The following MGAT4C variants were observed in gnomAD, a reference collection of about 807,000 sequenced individuals.
MGAT4C encodes the protein MGAT4 family member C, also known as alpha-1,3-mannosyl-glycoprotein 4-beta-N-acetylglucosaminyltransferase C.
A neutral mutation model predicts 40.1 loss-of-function variants in MGAT4C; 19 were observed. That is an observed-to-expected ratio of 0.47 (90% CI 0.33 to 0.70). The LOEUF is 0.70. Among genes scored for constraint, MGAT4C ranks in the 30% least tolerant of loss-of-function variants. The probability of loss-of-function intolerance (pLI) is 0.02; values close to 1 mark genes in which losing one functional copy is unlikely to be tolerated. For synonymous variants in MGAT4C, 181 were observed against 187.1 expected (o/e 0.97, Z 0.27); for missense variants, 491 against 563.2 (o/e 0.87, Z 1.30).
At chr12:86,131,204 TC>T (rs1275434132) in intron 1 of MGAT4C, among the ~76,000 whole-genome samples, 1 of 152,052 alleles carries the variant, frequency 6.6e-6, no homozygotes, top group African/African-American at 2.4e-5. Context: ...ATAATATCTA[TC>T]TCTTAGTCTA....
At chr12:86,180,532 A>G (rs893096930) in intron 1 of MGAT4C, among the ~76,000 whole-genome samples, 1 of 152,172 alleles carries the variant, frequency 6.6e-6, no homozygotes, top group Non-Finnish European at 1.5e-5. Flanking sequence ...TGTACCTTGT[A>G]AAGACACAGG....
chr12:86,174,124 T>TACACACACACAC lies in MGAT4C; in HGVS notation c.-57+82103_-57+82114dup, dbSNP rs71445051. Among the ~76,000 whole-genome samples, 9 of 143,916 alleles carry TACACACACACAC rather than the reference T, an allele frequency of 6.3e-5. No individual in the cohort carries two copies. The South Asian group carries it at 1.6e-3, about 25-fold the overall frequency. The allele number at this position is 143,916 out of a possible 152,430, so 94.4% of individuals were successfully genotyped here. A position where few individuals can be genotyped will look rare whatever the true frequency, so the allele number is the denominator to read the frequency against. ...TTACCAAAAAAGACACACACACACA[T>TACACACACACAC]ACACACACACACACACACACACACA... On this transcript the variant is annotated intron_variant, in intron 1 of 4. Coordinates refer to ENST00000611864, the MANE Select transcript of MGAT4C (RefSeq NM_001351288.2).
At chr12:86,623,640 G>T (rs1431152848) in intron 2 of MGAT4C, among the ~76,000 whole-genome samples, 1 of 151,998 alleles carries the variant, frequency 6.6e-6, no homozygotes, top group Non-Finnish European at 1.5e-5. Flanking sequence ...GGACATAAAT[G>T]CTTCCACAAT....
intron 2 of MGAT4C, among the ~76,000 whole-genome samples, chr12:86,512,361 A>T (rs1303315692): frequency 6.6e-6 from 1 of 152,090 alleles, no homozygotes; most frequent in Non-Finnish European, 1.5e-5. Flanking sequence ...GGTGCCTTAA[A>T]CATTTTAAAA....
chr12:86,745,675 T>C (rs1315390668), intron 1 of MGAT4C, among the ~76,000 whole-genome samples: 2 of 151,692 alleles, frequency 1.3e-5, no homozygotes, highest in African/African-American at 4.8e-5. Context: ...AATCATGTTT[T>C]GATTAATGGT....
At chr12:86,009,467 A>G (rs993380392) in intron 2 of MGAT4C, among the ~76,000 whole-genome samples, 3 of 151,918 alleles carry the variant, frequency 2.0e-5, no homozygotes, top group Non-Finnish European at 4.4e-5. Flanking sequence ...GCAGAATCCA[A>G]ATATCTTAGC....
At position 85,955,671 on chromosome 12, in the gene MGAT4C, T is replaced by G. The variant is rs961559369; in HGVS notation, c.*23618A>C. 67 of 152,248 alleles carry G rather than the reference T, an allele frequency of 4.4e-4. No homozygotes were observed. Among genetic ancestry groups the G allele is most frequent in the African/African-American group, 1.5e-3 (64 of 41,570 alleles). 9.4% of individuals were successfully genotyped at this position (152,248 alleles called of 1,614,324 possible). On this transcript the variant is annotated 3_prime_UTR_variant, in exon 5 of 5. Coordinates refer to ENST00000611864, the MANE Select transcript of MGAT4C (RefSeq NM_001351288.2). ...TTCAGAAGATGAAAGCAAATATTTA[T>G]AAAAGAAACCACAATGTATTTATGC...
chr12:86,822,357 T>C (rs1246602385), intron 1 of MGAT4C, among the ~76,000 whole-genome samples: 1 of 151,126 alleles, frequency 6.6e-6, no homozygotes, highest in Non-Finnish European at 1.5e-5. Flanking sequence ...CCTTACTAAG[T>C]TATTTTGAAT....
rs1422707164 is a variant in MGAT4C at position 85,975,277 on chromosome 12, T to C, written c.*4012A>G. 1.3e-5 allele frequency: 2 copies of C among 151,038 alleles called. No homozygotes were observed. Among genetic ancestry groups the C allele is most frequent in the East Asian group, 1.9e-4 (1 of 5,198 alleles). 9.4% of individuals were successfully genotyped at this position (151,038 alleles called of 1,614,324 possible). A position where few individuals can be genotyped will look rare whatever the true frequency, so the allele number is the denominator to read the frequency against. On this transcript the variant is annotated 3_prime_UTR_variant, in exon 5 of 5. Transcript: ENST00000611864. ...AGGGCAGTAAATTTTATAATTGTTA[T>C]TGATTACAATGAAGGCCTCTGGTAA...
chr12:86,353,798 CCT>C (rs761519428), intron 3 of MGAT4C, among the ~76,000 whole-genome samples: 5 of 151,614 alleles, frequency 3.3e-5, no homozygotes, highest in African/African-American at 7.2e-5. Flanking sequence ...CCTCTCTCTG[CCT>C]CTCTCTCTCT....
chr12:86,678,675 T>C (rs1483697552), intron 2 of MGAT4C, among the ~76,000 whole-genome samples: 3 of 149,400 alleles, frequency 2.0e-5, no homozygotes, highest in Admixed American at 6.8e-5. Flanking sequence ...TGAGAATATG[T>C]GGTGTTTGGT....
At chr12:86,290,175 T>A (rs1243648923) in intron 4 of MGAT4C, among the ~76,000 whole-genome samples, 2 of 152,118 alleles carry the variant, frequency 1.3e-5, no homozygotes, top group Non-Finnish European at 2.9e-5. Flanking sequence ...GCCGCCCAAG[T>A]AGCTGGGATT....
At chr12:86,570,893 A>G (rs1960336061) in intron 2 of MGAT4C, among the ~76,000 whole-genome samples, 1 of 152,134 alleles carries the variant, frequency 6.6e-6, no homozygotes, top group Admixed American at 6.5e-5. Flanking sequence ...GGCTCACCGC[A>G]TCCTCCAACT....
intron 1 of MGAT4C, among the ~76,000 whole-genome samples, chr12:86,075,796 G>T (rs139899789): frequency 6.6e-6 from 1 of 152,270 alleles, no homozygotes; most frequent in African/African-American, 2.4e-5. Context: ...CCCCCTTTCA[G>T]CCACAGCTGG....
At chr12:86,271,930 A>G (rs1952961677) in intron 4 of MGAT4C, among the ~76,000 whole-genome samples, 1 of 152,236 alleles carries the variant, frequency 6.6e-6, no homozygotes, top group Non-Finnish European at 1.5e-5. Context: ...GTTCTCACTT[A>G]TATGTGAGAT....
At chr12:86,791,970 A>G (rs1441095158) in intron 1 of MGAT4C, among the ~76,000 whole-genome samples, 1 of 152,206 alleles carries the variant, frequency 6.6e-6, no homozygotes, top group Admixed American at 6.5e-5. Flanking sequence ...CAAAATTCCC[A>G]AATGAAATCA....
At chr12:85,993,297 C>A (rs1886192019) in intron 2 of MGAT4C, among the ~76,000 whole-genome samples, 1 of 152,018 alleles carries the variant, frequency 6.6e-6, no homozygotes, top group Non-Finnish European at 1.5e-5. Context: ...TTATATAGGG[C>A]CAGGGATGGG....
chr12:86,368,465 T>C (rs1472219301), intron 3 of MGAT4C, among the ~76,000 whole-genome samples: 1 of 152,116 alleles, frequency 6.6e-6, no homozygotes, highest in African/African-American at 2.4e-5. Flanking sequence ...TGTGTTTCTT[T>C]GTGCTATAAT....
At chr12:86,154,535 G>A (rs1447972688) in intron 1 of MGAT4C, among the ~76,000 whole-genome samples, 1 of 152,102 alleles carries the variant, frequency 6.6e-6, no homozygotes, top group Non-Finnish European at 1.5e-5. Context: ...AAATAAACTT[G>A]CTTCTTGTAA....
Sources: allele counts gnomAD v4.1 joint callset (sites outside exome capture counted in the v4.1 genomes callset), GRCh38; gene constraint gnomAD v4.1.1; transcripts MANE v1.5; gene names NCBI Gene and HGNC (gene_info 2026-07-23, HGNC 2026-07-21).